Variants in DAB1 observed in about 807,000 individuals in gnomAD.
DAB1 encodes the protein DAB adaptor protein 1, also known as disabled homolog 1.
Under a neutral mutation model 64.6 loss-of-function variants are expected in DAB1, and 15 were observed. The ratio of observed to expected loss-of-function variants is 0.23; its 90% confidence interval spans 0.16 to 0.36. DAB1 has a LOEUF of 0.36. Ranked by LOEUF, DAB1 falls within the 10% of genes least tolerant of loss-of-function variation. The pLI is 1.00. For synonymous variants in DAB1, 235 were observed against 251.9 expected (o/e 0.93, Z 0.64); for missense variants, 596 against 706.7 (o/e 0.84, Z 1.78).
At chr1:57,207,483 G>A (rs1303534243) in intron 2 of DAB1, among the ~76,000 whole-genome samples, 3 of 96,278 alleles carry the variant, frequency 3.1e-5, no homozygotes, top group South Asian at 3.2e-4. Context: ...TCGCTCTGTC[G>A]CCCAGGCTGG....
intron 6 of DAB1, among the ~76,000 whole-genome samples, chr1:57,656,421 G>A (rs1308438529): frequency 1.3e-5 from 2 of 152,170 alleles, no homozygotes; most frequent in African/African-American, 4.8e-5. Context: ...TGTGGTTTTT[G>A]TAATTATGTT....
intron 4 of DAB1, among the ~76,000 whole-genome samples, chr1:57,087,808 T>C (rs1459998935): frequency 6.6e-6 from 1 of 152,232 alleles, no homozygotes; most frequent in Admixed American, 6.5e-5. Flanking sequence ...TATTCTGATT[T>C]GCAATGACTC....
intron 6 of DAB1, among the ~76,000 whole-genome samples, chr1:57,753,467 G>C (rs1320054631): frequency 4.6e-5 from 7 of 152,174 alleles, no homozygotes; most frequent in Non-Finnish European, 5.9e-5. Context: ...CTCCTCCTTA[G>C]TAGCTCTCTG....
rs999329119 is a variant in DAB1 at position 57,193,381 on chromosome 1, G to GTTTTTTTTTTTTTT, written c.68-47966_68-47953dup. On this transcript the variant is annotated intron_variant, in intron 2 of 14. Transcript: ENST00000371236. ...CCTTCCAGATTCATCCGTAGCATAT[G>GTTTTTTTTTTTTTT]TTTTTTTTTTTTTTTTTTTTTTTGA... 3.5e-4 allele frequency among the ~76,000 whole-genome samples: 29 copies of GTTTTTTTTTTTTTT among 83,070 alleles called. 4 individuals are homozygous for GTTTTTTTTTTTTTT. The highest frequency in any genetic ancestry group is 1.5e-3 in the East Asian group (4 of 2,642). 54.5% of individuals were successfully genotyped at this position (83,070 alleles called of 152,430 possible). A position where few individuals can be genotyped will look rare whatever the true frequency, so the allele number is the denominator to read the frequency against.
Position 57,664,976 on chromosome 1 carries a change from G to A in DAB1, n.552-15311C>T, listed in dbSNP as rs895409264. The stretch of plus-strand genomic sequence containing the variant: ...TTTATTTTCTTCTTTTTGCTTATTT[G>A]TAATTTCTAAAATTTCTACCATATT... On this transcript the variant is annotated intron_variant and non_coding_transcript_variant, in intron 6 of 20. Transcript: ENST00000485760. 3.3e-5 allele frequency among the ~76,000 whole-genome samples: 5 copies of A among 152,008 alleles called. No individual in the cohort carries two copies. In the South Asian group the frequency reaches 1.0e-3, roughly 32 times the overall value.
chr1:58,218,936 A>G (rs921871634), intron 4 of DAB1, among the ~76,000 whole-genome samples: 2 of 150,160 alleles, frequency 1.3e-5, no homozygotes, highest in Non-Finnish European at 2.9e-5. Context: ...AGACAGGGTT[A>G]TACACACTCT....
intron 3 of DAB1, among the ~76,000 whole-genome samples, chr1:58,367,596 G>A (rs1217735648): frequency 6.6e-6 from 1 of 152,154 alleles, no homozygotes; most frequent in Non-Finnish European, 1.5e-5. Context: ...CAGCTACTTG[G>A]TGGCAAGTTA....
At chr1:57,679,339 T>C (rs1009652007) in intron 6 of DAB1, among the ~76,000 whole-genome samples, 1 of 152,216 alleles carries the variant, frequency 6.6e-6, no homozygotes, top group Non-Finnish European at 1.5e-5. Context: ...GTACATGGAT[T>C]ATTTCAATAA....
chr1:57,936,459 T>G (rs1645025906), intron 5 of DAB1, among the ~76,000 whole-genome samples: 1 of 152,210 alleles, frequency 6.6e-6, no homozygotes, highest in African/African-American at 2.4e-5. Flanking sequence ...TGGCATGATC[T>G]CAGCTCACTG....
rs367897659 is a variant in DAB1, at chr1:57,922,845, C to CAAAAAAAAAAAAA, written n.388-38696_388-38684dup. Among the ~76,000 whole-genome samples the CAAAAAAAAAAAAA allele has an allele frequency of 2.0e-4, 9 of 45,010 alleles. 1 individual carries two copies. Among genetic ancestry groups the CAAAAAAAAAAAAA allele is most frequent in the East Asian group, 9.3e-4 (1 of 1,080 alleles). 29.5% of individuals were successfully genotyped at this position (45,010 alleles called of 152,430 possible). A position where few individuals can be genotyped will look rare whatever the true frequency, so the allele number is the denominator to read the frequency against. ...TGGGTGACAAAGCGAGACTCCATCT[C>CAAAAAAAAAAAAA]AAAAAAAAAAAAAAAAAAAAAAAGA... On this transcript the variant is annotated intron_variant and non_coding_transcript_variant, in intron 5 of 20. Coordinates refer to the DAB1 transcript ENST00000485760.
intron 7 of DAB1, among the ~76,000 whole-genome samples, chr1:57,624,564 G>T (rs1156478803): frequency 1.3e-5 from 2 of 152,160 alleles, no homozygotes; most frequent in Non-Finnish European, 2.9e-5. Context: ...ATTTATCATT[G>T]CCTCTATTTG....
intron 4 of DAB1, among the ~76,000 whole-genome samples, chr1:58,186,939 T>G (rs1462629724): frequency 6.6e-6 from 1 of 152,180 alleles, no homozygotes; most frequent in East Asian, 1.9e-4. Context: ...TAATATCTTG[T>G]TGGCTAGAGC....
intron 5 of DAB1, among the ~76,000 whole-genome samples, chr1:58,099,754 T>A (rs1651199456): frequency 6.6e-6 from 1 of 152,222 alleles, no homozygotes; most frequent in East Asian, 1.9e-4. Context: ...AATATCCCTC[T>A]TATATACAAG....
In DAB1 at chr1:57,242,758, CT is replaced by C. The variant is rs1183293316; in HGVS notation, c.67+48205del. Among the ~76,000 whole-genome samples, 6 of 152,254 alleles carry C rather than the reference CT, an allele frequency of 3.9e-5. No homozygotes were observed. In the South Asian group the frequency reaches 1.2e-3, roughly 32 times the overall value. On this transcript the variant is annotated intron_variant, in intron 2 of 14. Coordinates refer to ENST00000371236, the MANE Select transcript of DAB1 (RefSeq NM_001365792.1). ...AACAAATGCTAAATATCATAATCTA[CT>C]GACCATTTTTTAAGCAATGTTTAAA...
At chr1:57,488,645 C>T (rs1644123684) in intron 7 of DAB1, among the ~76,000 whole-genome samples, 1 of 151,790 alleles carries the variant, frequency 6.6e-6, no homozygotes, top group Admixed American at 6.6e-5. Flanking sequence ...CATTGCACTC[C>T]AGCCTGGGCA....
At chr1:58,392,963 T>G (rs1290913071) in intron 3 of DAB1, among the ~76,000 whole-genome samples, 1 of 152,182 alleles carries the variant, frequency 6.6e-6, no homozygotes. Context: ...CCTCTTCCTT[T>G]GCCTATCCCT....
intron 3 of DAB1, among the ~76,000 whole-genome samples, chr1:58,436,887 C>T (rs1441470620): frequency 2.6e-5 from 4 of 152,182 alleles, no homozygotes; most frequent in Non-Finnish European, 5.9e-5. Context: ...AGCCTTTGAA[C>T]CACTTCTTCT....
chr1:57,612,848 T>C (rs928953220), intron 7 of DAB1, among the ~76,000 whole-genome samples: 8 of 152,096 alleles, frequency 5.3e-5, no homozygotes, highest in Non-Finnish European at 1.2e-4. Context: ...TTTCCTAGAA[T>C]AGTGCTTAGA....
In DAB1 at chr1:57,010,683, G is replaced by A; in HGVS notation, c.*12C>T. On this transcript the variant is annotated 3_prime_UTR_variant, in exon 14 of 15. Coordinates refer to ENST00000371236, the MANE Select transcript of DAB1 (RefSeq NM_001365792.1). The stretch of plus-strand genomic sequence containing the variant: ...GATAAAAAGGACAGATACCTACCCA[G>A]ACCTGCGCTATCTAGCTACCGGCCT... The A allele has an allele frequency of 6.5e-7, 1 of 1,531,826 alleles. No homozygotes were observed. The highest frequency in any genetic ancestry group is 1.4e-5 in the African/African-American group (1 of 72,154). 94.9% of individuals were successfully genotyped at this position (1,531,826 alleles called of 1,614,324 possible). A position where few individuals can be genotyped will look rare whatever the true frequency, so the allele number is the denominator to read the frequency against.
Sources: allele counts gnomAD v4.1 joint callset (sites outside exome capture counted in the v4.1 genomes callset), GRCh38; gene constraint gnomAD v4.1.1; transcripts MANE v1.5; gene names NCBI Gene and HGNC (gene_info 2026-07-23, HGNC 2026-07-21).